The following THSD7A variants were observed in gnomAD, a reference collection of about 807,000 sequenced individuals.
The protein encoded by THSD7A is thrombospondin type-1 domain-containing protein 7A.
A neutral mutation model predicts 231.3 loss-of-function variants in THSD7A; 96 were observed. The ratio of observed to expected loss-of-function variants is 0.41; its 90% CI spans 0.35 to 0.49. THSD7A has a LOEUF of 0.49. Ranked by LOEUF, THSD7A falls within the 20% of genes least tolerant of loss-of-function variation. The pLI is 0.05. For missense variants in THSD7A, 2,290 were observed against 2,070.2 expected, an observed-to-expected ratio of 1.11 and a Z score of -2.06; for synonymous variants, 940 against 743.3, an observed-to-expected ratio of 1.26 and a Z score of -4.30.
At chr7:11,420,771 GGCTGTACCCTGCAGAGCCACAGGGGTCGA>G (rs1015076550) in intron 16 of THSD7A, among the ~76,000 whole-genome samples, 1 of 152,174 alleles carries the variant, frequency 6.6e-6, no homozygotes, top group African/African-American at 2.4e-5. Flanking sequence ...CAGCCTTGGG[GGCTGTACCCTGCAGAGCCACAGGGGTCGA>G]GCTGCCCAAG....
chr7:11,586,901 G>A (rs140734841), intron 4 of THSD7A, among the ~76,000 whole-genome samples: 2 of 152,028 alleles, frequency 1.3e-5, no homozygotes, highest in African/African-American at 4.8e-5. Context: ...TATCTAGGCT[G>A]TCTTTCTTAA....
chr7:11,784,291 A>G lies in THSD7A; in HGVS notation c.190+47466T>C, dbSNP rs74440848. Among the ~76,000 whole-genome samples the G allele has an allele frequency of 7.1e-3, 1,063 of 150,606 alleles. 13 individuals are homozygous for G. The highest frequency in any genetic ancestry group is 0.025 in the African/African-American group (1,013 of 41,010). ...TTTTTATTCTGCTTGGCATTTTTTT[A>G]TGCTTCCTGAATTTTGGGATGCATG... On this transcript the variant is annotated intron_variant, in intron 1 of 27. Coordinates refer to ENST00000423059, the MANE Select transcript of THSD7A (RefSeq NM_015204.3).
In THSD7A at chr7:11,637,671, G is replaced by A. The variant is rs1225403413; in HGVS notation, c.191-710C>T. ...AGACTTTTGCAATTTTCTAATCATTGAGAGGTTATTTGGGGTCTTATTTAT... is the reference window on the plus strand; with the variant it reads ...AGACTTTTGCAATTTTCTAATCATTAAGAGGTTATTTGGGGTCTTATTTAT... On this transcript the variant is annotated intron_variant, in intron 1 of 27. Coordinates refer to ENST00000423059, the MANE Select transcript of THSD7A (RefSeq NM_015204.3). The surrounding 1 kb of genome is among the most constrained non-coding windows in gnomAD (Gnocchi z 4.2). Among the ~76,000 whole-genome samples, 2 of 152,154 alleles carry A rather than the reference G, an allele frequency of 1.3e-5. No homozygotes were observed. The highest frequency in any genetic ancestry group is 4.8e-5 in the African/African-American group (2 of 41,436).
intron 1 of THSD7A, among the ~76,000 whole-genome samples, chr7:11,682,929 C>A (rs1181573974): frequency 6.6e-6 from 1 of 151,900 alleles, no homozygotes; most frequent in Non-Finnish European, 1.5e-5. Flanking sequence ...TGAAGGCCAG[C>A]CTGGCCAAGA....
chr7:11,769,122 AATATATATATAT>A (rs1219135740), intron 1 of THSD7A, among the ~76,000 whole-genome samples: 10 of 35,896 alleles, frequency 2.8e-4, no homozygotes, highest in South Asian at 1.0e-3. Flanking sequence ...AATTCCTGGC[AATATATATATAT>A]ATATATATAT....
Position 11,379,018 on chromosome 7 carries a change from T to A in THSD7A, c.4801+52A>T, listed in dbSNP as rs544553704. The A allele has an allele frequency of 2.9e-5, 46 of 1,565,222 alleles. No individual in the cohort carries two copies. In the South Asian group the frequency reaches 4.8e-4, roughly 16 times the overall value. ...TGCTCACTTTTTTAATCCTTTGGCATTGCCTAAAAGAACTAAAGGTTTCTC... is the reference window on the plus strand; with the variant it reads ...TGCTCACTTTTTTAATCCTTTGGCAATGCCTAAAAGAACTAAAGGTTTCTC... On this transcript the variant is annotated intron_variant, in intron 26 of 27. Transcript: ENST00000423059.
chr7:11,792,996 G>A (rs978440117), intron 1 of THSD7A, among the ~76,000 whole-genome samples: 1 of 151,968 alleles, frequency 6.6e-6, no homozygotes, highest in East Asian at 1.9e-4. Flanking sequence ...TATACCTGTG[G>A]ATAAATTAAA....
At chr7:11,789,086 T>C (rs886498117) in intron 1 of THSD7A, among the ~76,000 whole-genome samples, 2 of 151,782 alleles carry the variant, frequency 1.3e-5, no homozygotes, top group African/African-American at 4.8e-5. Flanking sequence ...ACAGATAACA[T>C]TGGAACACTA....
chr7:11,424,844 G>C lies in THSD7A; in HGVS notation c.3250-15C>G, dbSNP rs1562599243. 7.4e-6 allele frequency: 12 copies of C among 1,613,632 alleles called. No homozygotes were observed. Among genetic ancestry groups the C allele is most frequent in the Non-Finnish European group, 9.3e-6 (11 of 1,179,754 alleles). ...ACCTCATACACCTGAAACACACATG[G>C]TTCTCAGCAATCTCAGGGAATCTGG... On this transcript the variant is annotated splice_polypyrimidine_tract_variant and intron_variant, in intron 15 of 27. Transcript: ENST00000423059.
chr7:11,429,766 A>C (rs1251687561), intron 13 of THSD7A, among the ~76,000 whole-genome samples: 1 of 152,194 alleles, frequency 6.6e-6, no homozygotes, highest in Non-Finnish European at 1.5e-5. Flanking sequence ...ACATTCTAAC[A>C]GGCAGGTAAG....
rs150898358 is a variant in THSD7A, at chr7:11,736,292, G to T, written c.190+95465C>A. Among the ~76,000 whole-genome samples, 363 of 152,006 alleles carry T rather than the reference G, an allele frequency of 2.4e-3. 2 individuals are homozygous for T. The highest frequency in any genetic ancestry group is 4.0e-3 in the Non-Finnish European group (273 of 67,938). On this transcript the variant is annotated intron_variant, in intron 1 of 27. Transcript: ENST00000423059. Reference sequence around the variant, plus strand: ...AGTAAGAGCAAATATTTTCTATTTAGTAATATTTAATATATTTGATGGCCA... The same window carrying T: ...AGTAAGAGCAAATATTTTCTATTTATTAATATTTAATATATTTGATGGCCA...
In THSD7A at chr7:11,456,371, A is replaced by G. The variant is rs117893863; in HGVS notation, c.2605+4291T>C. 3.9e-4 allele frequency among the ~76,000 whole-genome samples: 60 copies of G among 152,060 alleles called. 1 individual carries two copies. In the East Asian group the frequency reaches 9.5e-3, roughly 24 times the overall value. ...TTCTTAGAGTCAACATTTTATTCCT[A>G]ACCTCCCCCAAAAAGAATGCTGCAA... On this transcript the variant is annotated intron_variant, in intron 11 of 27. Transcript: ENST00000423059.
chr7:11,451,222 A>C (rs530371585), intron 11 of THSD7A, among the ~76,000 whole-genome samples: 2 of 152,068 alleles, frequency 1.3e-5, no homozygotes, highest in Admixed American at 1.3e-4. Context: ...GAAATACACG[A>C]ACCAAATGCA....
intron 1 of THSD7A, among the ~76,000 whole-genome samples, chr7:11,791,387 C>A (rs953502989): frequency 1.3e-5 from 2 of 151,984 alleles, no homozygotes; most frequent in African/African-American, 4.8e-5. Flanking sequence ...ATGTTATCCT[C>A]CCTACCCCAT....
chr7:11,527,489 C>G (rs556986206), intron 6 of THSD7A, among the ~76,000 whole-genome samples: 2 of 152,280 alleles, frequency 1.3e-5, no homozygotes, highest in East Asian at 3.9e-4. Flanking sequence ...GTTTTCTTAT[C>G]TAACATCACA....
rs1287253275 is a variant in THSD7A at position 11,637,914 on chromosome 7, T to C, written c.191-953A>G. Among the ~76,000 whole-genome samples, 1 of 152,216 alleles carries C rather than the reference T, an allele frequency of 6.6e-6. No homozygotes were observed. The highest frequency in any genetic ancestry group is 1.5e-5 in the Non-Finnish European group (1 of 68,026). On this transcript the variant is annotated intron_variant, in intron 1 of 27. Transcript: ENST00000423059. This position sits in a 1 kb window ranked among gnomAD's most constrained non-coding sequence, Gnocchi z 4.2. Reference sequence around the variant, plus strand: ...TTTACGAAATTGAGAATTGTATTATTTTGGAATCATAAAGAAACTTAAAGT... The same window carrying C: ...TTTACGAAATTGAGAATTGTATTATCTTGGAATCATAAAGAAACTTAAAGT...
At chr7:11,600,116 T>C (rs1037418999) in intron 2 of THSD7A, among the ~76,000 whole-genome samples, 1 of 152,062 alleles carries the variant, frequency 6.6e-6, no homozygotes, top group East Asian at 1.9e-4. Context: ...AATAAACTCA[T>C]ATATATGGCC....
intron 1 of THSD7A, among the ~76,000 whole-genome samples, chr7:11,768,128 GA>G (rs1328722446): frequency 6.6e-6 from 1 of 152,136 alleles, no homozygotes; most frequent in Non-Finnish European, 1.5e-5. Context: ...GTTTAAATAA[GA>G]AGACCATACT....
intron 1 of THSD7A, among the ~76,000 whole-genome samples, chr7:11,672,171 G>T (rs1298851214): frequency 6.6e-6 from 1 of 152,086 alleles, no homozygotes; most frequent in African/African-American, 2.4e-5. Flanking sequence ...TTTCTAATTA[G>T]ATAATTACTA....
Sources: gnomAD v4.1 joint callset for allele counts (sites outside exome capture counted in the v4.1 genomes callset) on GRCh38, gnomAD v4.1.1 for gene constraint, Gnocchi (gnomAD v3.1) non-coding constraint, MANE v1.5 for transcripts, NCBI Gene and HGNC (gene_info 2026-07-23, HGNC 2026-07-21) for gene names.